CSMD1: variants seen among roughly 807,000 people sequenced by gnomAD.
The protein encoded by CSMD1 is CUB and Sushi multiple domains 1, also known as CUB and sushi domain-containing protein 1.
CSMD1 carries 213 observed loss-of-function variants against 417.5 expected under a neutral mutation model. The ratio of observed to expected loss-of-function variants is 0.51; its 90% CI spans 0.46 to 0.57. CSMD1 has a LOEUF of 0.57. Among genes scored for constraint, CSMD1 ranks in the 20% least tolerant of loss-of-function variants. The pLI, the probability that CSMD1 is intolerant of heterozygous loss-of-function variation, is 0.00. For missense variants in CSMD1, 6,923 were observed against 4,529.7 expected, an observed-to-expected ratio of 1.53 and a Z score of -15.17; for synonymous variants, 2,862 against 1,736.8, an observed-to-expected ratio of 1.65 and a Z score of -16.11.
intron 7 of CSMD1, among the ~76,000 whole-genome samples, chr8:3,629,335 G>C (rs998454699): frequency 1.3e-5 from 2 of 152,020 alleles, no homozygotes; most frequent in Non-Finnish European, 2.9e-5. Flanking sequence ...GATGCATTCA[G>C]CTGACATTCA....
At chr8:4,053,111 C>A (rs1798517643) in intron 3 of CSMD1, among the ~76,000 whole-genome samples, 1 of 152,110 alleles carries the variant, frequency 6.6e-6, no homozygotes, top group Non-Finnish European at 1.5e-5. Context: ...ATACGAGGAC[C>A]CCTTGCCCAG....
intron 37 of CSMD1, among the ~76,000 whole-genome samples, chr8:3,177,569 C>G (rs1165907712): frequency 6.6e-6 from 1 of 152,140 alleles, no homozygotes; most frequent in African/African-American, 2.4e-5. Flanking sequence ...AAATTCTTCC[C>G]TAATAAGCCC....
intron 26 of CSMD1, among the ~76,000 whole-genome samples, chr8:3,247,256 G>T (rs1461186015): frequency 6.6e-6 from 1 of 152,182 alleles, no homozygotes; most frequent in African/African-American, 2.4e-5. Flanking sequence ...GATGTGGGTG[G>T]TAGCTGTGGT....
intron 3 of CSMD1, among the ~76,000 whole-genome samples, chr8:4,048,290 A>T (rs2740895): frequency 6.6e-6 from 1 of 151,982 alleles, no homozygotes; most frequent in African/African-American, 2.4e-5. Flanking sequence ...TTATGAGCAT[A>T]AGATTGAGCT....
At chr8:4,436,353 GATTA>G (rs1429052586) in intron 2 of CSMD1, among the ~76,000 whole-genome samples, 7 of 151,962 alleles carry the variant, frequency 4.6e-5, no homozygotes, top group African/African-American at 1.2e-4. Flanking sequence ...TTCTTGTGGA[GATTA>G]ATTGCCTGAT....
chr8:4,536,287 TA>T lies in CSMD1; in HGVS notation c.302+101054del, dbSNP rs989875502. Among the ~76,000 whole-genome samples, 8 of 152,242 alleles carry T rather than the reference TA, an allele frequency of 5.3e-5. No homozygotes were observed. In the East Asian group the frequency reaches 1.2e-3, roughly 22 times the overall value. Reference sequence around the variant, plus strand: ...AATAAAATCTACAAACATGTTCTATTAAAAAAAATCTAGTTTTCTCCCTGTT... The same window carrying T: ...AATAAAATCTACAAACATGTTCTATTAAAAAAATCTAGTTTTCTCCCTGTT... On this transcript the variant is annotated intron_variant, in intron 2 of 69. Transcript: ENST00000635120.
At chr8:4,874,816 A>G (rs1405940809) in intron 1 of CSMD1, among the ~76,000 whole-genome samples, 1 of 150,216 alleles carries the variant, frequency 6.7e-6, no homozygotes, top group East Asian at 1.9e-4. Context: ...ATATATATTT[A>G]CACACACACT....
intron 8 of CSMD1, among the ~76,000 whole-genome samples, chr8:3,594,916 A>G (rs141008751): frequency 9.7e-4 from 148 of 152,298 alleles, no homozygotes; most frequent in African/African-American, 3.4e-3. Context: ...AGCAAAAACC[A>G]GGAGGCAGAA....
In CSMD1 at chr8:3,871,034, A is replaced by T. The variant is rs183839040; in HGVS notation, c.819-116992T>A. The stretch of plus-strand genomic sequence containing the variant: ...TTTTTAAAAAAATTCAATACATATA[A>T]ATCTCCATCTTTGTGTATTATTCCA... On this transcript the variant is annotated intron_variant, in intron 5 of 69. Transcript: ENST00000635120. Among the ~76,000 whole-genome samples the T allele has an allele frequency of 2.8e-4, 42 of 152,172 alleles. No individual in the cohort carries two copies. The East Asian group carries it at 7.7e-3, about 28-fold the overall frequency.
intron 1 of CSMD1, among the ~76,000 whole-genome samples, chr8:4,812,493 C>T (rs1192416121): frequency 6.6e-6 from 1 of 152,062 alleles, no homozygotes; most frequent in Non-Finnish European, 1.5e-5. Context: ...TGACAGATAT[C>T]CCAAATACCC....
intron 3 of CSMD1, among the ~76,000 whole-genome samples, chr8:4,345,611 A>G (rs1188283297): frequency 1.3e-5 from 2 of 152,136 alleles, no homozygotes; most frequent in Non-Finnish European, 2.9e-5. Flanking sequence ...GAAAACAAAA[A>G]CAAAAAGTAC....
intron 5 of CSMD1, among the ~76,000 whole-genome samples, chr8:3,802,240 G>C (rs2129073022): frequency 6.6e-6 from 1 of 152,112 alleles, no homozygotes; most frequent in South Asian, 2.1e-4. Flanking sequence ...CATGATAGAG[G>C]CATAAAATGA....
rs60258623 is a variant in CSMD1, at chr8:3,686,783, C to G, written c.1009+21631G>C. On this transcript the variant is annotated intron_variant, in intron 7 of 69. Transcript: ENST00000635120. ...CCAGTCTATCAGTGGCTGGTTGTAA[C>G]TGTTTCTTTGGATCTTCATTTCCTT... 8.1e-3 allele frequency among the ~76,000 whole-genome samples: 1,240 copies of G among 152,318 alleles called. 11 individuals are homozygous for G. The highest frequency in any genetic ancestry group is 0.028 in the African/African-American group (1,182 of 41,576).
At chr8:3,194,259 C>G (rs17079577) in intron 33 of CSMD1, among the ~76,000 whole-genome samples, 32,620 of 151,740 alleles carry the variant, frequency 0.21, 3,564 homozygotes, top group Admixed American at 0.27. Flanking sequence ...AAGAAGAAAC[C>G]AAGGGAAAAT....
In CSMD1 at chr8:3,497,905, G is replaced by C. The variant is rs562806235; in HGVS notation, c.1345-4179C>G. On this transcript the variant is annotated intron_variant, in intron 10 of 69. Transcript: ENST00000635120. ...CTCTACCAGTGAATATTACTCTTTT[G>C]TGTGTCTTCACAATGGTGGTTATCA... Among the ~76,000 whole-genome samples the C allele has an allele frequency of 3.3e-5, 5 of 152,192 alleles. No homozygotes were observed. The East Asian group carries it at 5.8e-4, about 18-fold the overall frequency.
chr8:3,509,421 A>G (rs1796970120), intron 10 of CSMD1, among the ~76,000 whole-genome samples: 1 of 152,190 alleles, frequency 6.6e-6, no homozygotes, highest in African/African-American at 2.4e-5. Flanking sequence ...TTTTCTCAGG[A>G]CAATGTTTTG....
chr8:4,537,054 G>C (rs751347273), intron 2 of CSMD1, among the ~76,000 whole-genome samples: 1 of 152,262 alleles, frequency 6.6e-6, no homozygotes, highest in East Asian at 1.9e-4. Flanking sequence ...ATTTAAACCT[G>C]CTTAGACAAT....
chr8:3,924,734 G>C lies in CSMD1; in HGVS notation c.818+73169C>G, dbSNP rs190352896. ...TCATATTTATAATGTTCACCTCTTT[G>C]TTGAACTACTCATTTTGTTCATATC... On this transcript the variant is annotated intron_variant, in intron 5 of 69. Transcript: ENST00000635120. Among the ~76,000 whole-genome samples the C allele has an allele frequency of 3.2e-3, 483 of 151,492 alleles. 2 individuals carry two copies. Among genetic ancestry groups the C allele is most frequent in the Admixed American group, 5.3e-3 (81 of 15,152 alleles).
chr8:4,402,800 CTTTTTTTTTTTTTTTTTTTTCTTT>C (rs1161085826), intron 3 of CSMD1, among the ~76,000 whole-genome samples: 1 of 89,364 alleles, frequency 1.1e-5, no homozygotes, highest in East Asian at 3.6e-4. Context: ...TCACTTTTTT[CTTTTTTTTTTTTTTTTTTTTCTTT>C]TTTTTTTTTT....
Sources: allele counts gnomAD v4.1 joint callset (sites outside exome capture counted in the v4.1 genomes callset), GRCh38; gene constraint gnomAD v4.1.1; transcripts MANE v1.5; gene names NCBI Gene and HGNC (gene_info 2026-07-23, HGNC 2026-07-21).